Variants in ANO1 observed in about 807,000 individuals in gnomAD.
ANO1 encodes the protein anoctamin-1.
ANO1 carries 59 observed loss-of-function variants against 124.0 expected under a neutral mutation model. That is an observed-to-expected ratio of 0.48 (90% CI 0.39 to 0.59). ANO1 has a LOEUF of 0.59. Ranked by LOEUF, ANO1 falls within the 20% of genes least tolerant of loss-of-function variation. ANO1 has a pLI of 0.00. For missense variants in ANO1, 1,059 were observed against 1,328.0 expected (o/e 0.80, Z 3.15); for synonymous variants, 529 against 532.0 (o/e 0.99, Z 0.08).
chr11:70,161,759 A>T lies in ANO1; in HGVS notation c.1892+26A>T, dbSNP rs2155461. ...GTAGGGACATCTTCAGCCTTTCCCC[A>T]ACCTCGCTTCTCCCAGGTCCAGGAG... On this transcript the variant is annotated intron_variant, in intron 18 of 25. Transcript: ENST00000355303. The T allele has an allele frequency of 6.4e-3, 10,239 of 1,608,194 alleles. 182 individuals carry two copies. Among genetic ancestry groups the T allele is most frequent in the African/African-American group, 0.057 (4,244 of 74,880 alleles).
At chr11:70,152,946 C>T in intron 13 of ANO1, 111 bp from the exon 14 acceptor site, 1 of 901,546 alleles carries the variant, frequency 1.1e-6, no homozygotes, top group Non-Finnish European at 1.7e-6. Context: ...TGAACTGGAC[C>T]CAAAGGGTGC....
chr11:70,077,181 G>A (rs2044072162), upstream of ANO1, among the ~76,000 whole-genome samples: 1 of 152,210 alleles, frequency 6.6e-6, no homozygotes, highest in African/African-American at 2.4e-5. Flanking sequence ...CATTTAACAA[G>A]CAATTATTGA....
intron 1 of ANO1, among the ~76,000 whole-genome samples, chr11:70,026,595 T>C (rs1856912524): frequency 6.6e-6 from 1 of 152,014 alleles, no homozygotes; most frequent in Non-Finnish European, 1.5e-5. Context: ...GTGGTGGTGG[T>C]GGTAGTGGCG....
intron 8 of ANO1, among the ~76,000 whole-genome samples, chr11:70,119,386 T>G (rs1238225403): frequency 7.0e-6 from 1 of 142,404 alleles, no homozygotes; most frequent in Admixed American, 7.0e-5. Context: ...GATGGGTTGA[T>G]GGATGATGGG....
intron 2 of ANO1, among the ~76,000 whole-genome samples, chr11:70,097,995 C>G (rs58429255): frequency 0.016 from 2,378 of 152,306 alleles, 65 homozygotes; most frequent in African/African-American, 0.053. Flanking sequence ...AAGGGCTGAC[C>G]AGGGATGTGG....
At chr11:70,041,619 C>T (rs1283915290) in intron 1 of ANO1, among the ~76,000 whole-genome samples, 1 of 151,930 alleles carries the variant, frequency 6.6e-6, no homozygotes, top group Non-Finnish European at 1.5e-5. Flanking sequence ...AGTAGGTATT[C>T]GTGTAAGCAC....
chr11:70,127,746 G>C (rs2046581574), intron 10 of ANO1, among the ~76,000 whole-genome samples: 1 of 152,054 alleles, frequency 6.6e-6, no homozygotes, highest in African/African-American at 2.4e-5. Flanking sequence ...AGTGTGCAGA[G>C]TCCCTCTGGT....
chr11:70,127,015 G>T (rs2046545606), intron 10 of ANO1, among the ~76,000 whole-genome samples: 1 of 136,252 alleles, frequency 7.3e-6, no homozygotes, highest in Non-Finnish European at 1.6e-5. Context: ...CTCGGTACAG[G>T]CTGGTGCTCC....
At chr11:70,108,586 C>T (rs150480281) in intron 6 of ANO1, among the ~76,000 whole-genome samples, 182 bp downstream of exon 6, 26 of 152,236 alleles carry the variant, frequency 1.7e-4, no homozygotes, top group East Asian at 1.4e-3. Context: ...TTTTATGGCC[C>T]AGCACTTTTA....
intron 1 of ANO1, among the ~76,000 whole-genome samples, chr11:70,023,847 AG>A (rs1856846121): frequency 6.6e-6 from 1 of 152,230 alleles, no homozygotes; most frequent in South Asian, 2.1e-4. Flanking sequence ...AGGATGGGGA[AG>A]AAGACTGGCC....
chr11:69,972,496 G>T, the ANO1 span, among the ~76,000 whole-genome samples: 3 of 152,170 alleles, frequency 2.0e-5, no homozygotes, highest in African/African-American at 4.8e-5. Context: ...CGCACCTGCT[G>T]TGTACGTATT....
chr11:70,085,333 CCAAG>C, intron 1 of ANO1: 1 of 1,415,314 alleles, frequency 7.1e-7, no homozygotes, highest in Non-Finnish European at 9.2e-7. Flanking sequence ...CTGAGCCCTC[CCAAG>C]CCACCCACCC....
chr11:70,168,377 G>A (rs1348784767), intron 21 of ANO1, among the ~76,000 whole-genome samples: 1 of 152,024 alleles, frequency 6.6e-6, no homozygotes, highest in Non-Finnish European at 1.5e-5. Context: ...CCTGATCACT[G>A]TGTTTGAAAG....
intron 24 of ANO1, 62 bp downstream of exon 24, chr11:70,182,748 G>A: frequency 7.5e-7 from 1 of 1,340,856 alleles, no homozygotes; most frequent in Non-Finnish European, 9.8e-7. Flanking sequence ...GAGAGCCTGG[G>A]TTTGGACGGG....
rs545418375 is a variant in ANO1, at chr11:70,151,482, C to A, written c.1342-968C>A. On this transcript the variant is annotated intron_variant, in intron 12 of 25. Transcript: ENST00000355303. The stretch of plus-strand genomic sequence containing the variant: ...ATAGAAAAAAAAAAGCAGTCACCAT[C>A]TTGTTCAGAAGTCAATTTCAAATGT... 3.3e-5 allele frequency among the ~76,000 whole-genome samples: 5 copies of A among 152,324 alleles called. No homozygotes were observed. In the East Asian group the frequency reaches 7.7e-4, roughly 24 times the overall value.
chr11:70,026,463 T>A (rs1856910033), intron 1 of ANO1, among the ~76,000 whole-genome samples: 1 of 151,576 alleles, frequency 6.6e-6, no homozygotes, highest in East Asian at 1.9e-4. Context: ...ATGGTGATGA[T>A]GGTGAAGATG....
At chr11:70,055,805 A>G (rs1398947853) in intron 1 of ANO1, among the ~76,000 whole-genome samples, 2 of 151,784 alleles carry the variant, frequency 1.3e-5, no homozygotes, top group African/African-American at 2.4e-5. Context: ...TATCTCTTCT[A>G]TTATTTCGTT....
intron 2 of ANO1, among the ~76,000 whole-genome samples, chr11:70,099,646 G>T (rs1424069781): frequency 6.6e-6 from 1 of 152,136 alleles, no homozygotes; most frequent in Non-Finnish European, 1.5e-5. Flanking sequence ...AGTGCCCTCC[G>T]TGGCTCCCCA....
intron 15 of ANO1, among the ~76,000 whole-genome samples, 197 bp from the exon 16 acceptor site, chr11:70,156,750 A>C (rs1252108806): frequency 2.6e-5 from 4 of 152,012 alleles, no homozygotes; most frequent in African/African-American, 9.7e-5. Context: ...TAGGTGATAA[A>C]CCCCGAAATG....
Sources: allele counts gnomAD v4.1 joint callset (sites outside exome capture counted in the v4.1 genomes callset), GRCh38; gene constraint gnomAD v4.1.1; transcripts MANE v1.5; gene names NCBI Gene and HGNC (gene_info 2026-07-23, HGNC 2026-07-21).